The following FRMPD4 variants were observed in gnomAD, a reference collection of about 807,000 sequenced individuals.
FRMPD4 encodes the protein FERM and PDZ domain-containing protein 4.
Under a neutral mutation model 94.1 loss-of-function variants are expected in FRMPD4, and 22 were observed. That is an observed-to-expected ratio of 0.23 (90% CI 0.17 to 0.33). The LOEUF (loss-of-function observed/expected upper bound fraction) is 0.33, where lower values mean the gene tolerates loss of function less well. Ranked by LOEUF, FRMPD4 falls within the 10% of genes least tolerant of loss-of-function variation. The probability of loss-of-function intolerance (pLI) is 1.00; values close to 1 mark genes in which losing one functional copy is unlikely to be tolerated. For synonymous variants in FRMPD4, 631 were observed against 548.6 expected, an observed-to-expected ratio of 1.15 and a Z score of -2.10; for missense variants, 1,111 against 1,339.9, an observed-to-expected ratio of 0.83 and a Z score of 2.67.
intron 1 of FRMPD4, among the ~76,000 whole-genome samples, chrX:12,194,406 C>T (rs1336641045): frequency 2.0e-5 from 2 of 100,626 alleles, no homozygotes; most frequent in African/African-American, 7.1e-5. Context: ...ATATACACAT[C>T]ACTGTTTTGT....
At chrX:12,480,559 C>G (rs1317879255) in intron 1 of FRMPD4, among the ~76,000 whole-genome samples, 1 of 111,542 alleles carries the variant, frequency 9.0e-6, no homozygotes, top group Admixed American at 9.5e-5. Flanking sequence ...TAGACAAAGC[C>G]ACTTTCAGAG....
chrX:12,066,413 A>G (rs2054920473), intron 3 of FRMPD4, among the ~76,000 whole-genome samples: 1 of 112,132 alleles, frequency 8.9e-6, no homozygotes, highest in Non-Finnish European at 1.9e-5. Flanking sequence ...CTTCCCAAGA[A>G]TATGCCTTTT....
chrX:11,980,136 T>C (rs1359708342), intron 3 of FRMPD4, among the ~76,000 whole-genome samples: 1 of 111,876 alleles, frequency 8.9e-6, no homozygotes, highest in Non-Finnish European at 1.9e-5. Context: ...TTTATGGGAC[T>C]ATTTAAAATT....
intron 1 of FRMPD4, among the ~76,000 whole-genome samples, chrX:11,856,281 T>A (rs1200492857): frequency 9.0e-6 from 1 of 111,579 alleles, no homozygotes; most frequent in Non-Finnish European, 1.9e-5. Flanking sequence ...ACAAACTGTA[T>A]CAAACATTGA....
chrX:12,165,371 A>G (rs768928226), intron 1 of FRMPD4, among the ~76,000 whole-genome samples: 2 of 111,547 alleles, frequency 1.8e-5, no homozygotes, highest in African/African-American at 6.5e-5. Flanking sequence ...GACATGCGGC[A>G]TTATTTCTGA....
intron 1 of FRMPD4, among the ~76,000 whole-genome samples, chrX:12,436,678 A>G (rs1435469722): frequency 9.0e-6 from 1 of 111,319 alleles, no homozygotes; most frequent in Non-Finnish European, 1.9e-5. Flanking sequence ...ATTTACACAT[A>G]ATTTAGTTTT....
At chrX:12,133,881 A>G (rs777004450), upstream of FRMPD4, among the ~76,000 whole-genome samples, 3 of 111,878 alleles carry the variant, frequency 2.7e-5, no homozygotes, top group South Asian at 3.8e-4. Flanking sequence ...AAATCCTCAC[A>G]TGGCTTCCCG....
At chrX:12,211,200 T>C (rs985795157) in intron 1 of FRMPD4, among the ~76,000 whole-genome samples, 2 of 111,101 alleles carry the variant, frequency 1.8e-5, no homozygotes, top group Admixed American at 1.9e-4. Context: ...AGCCTCTCAA[T>C]ACCTGAATTT....
chrX:12,698,629 A>AAT (rs199935959), intron 9 of FRMPD4, among the ~76,000 whole-genome samples: 2,928 of 109,348 alleles, frequency 0.027, 108 homozygotes, highest in African/African-American at 0.092. Context: ...ATATATTTGG[A>AAT]ATATATATAT....
rs187515479 is a variant in FRMPD4, at chrX:11,914,410, G to A, written c.95+36392G>A. On this transcript the variant is annotated intron_variant, in intron 3 of 18. Transcript: ENST00000640291. ...TGCCAGGCAAGTAAACTAAAAAGGA[G>A]TACTGAGCAGCAAGAAGGGACCATG... Among the ~76,000 whole-genome samples the A allele has an allele frequency of 3.7e-3, 396 of 108,402 alleles. 3 individuals are homozygous for A. The highest frequency in any genetic ancestry group is 0.013 in the African/African-American group (382 of 29,643). 94.1% of individuals were successfully genotyped at this position (108,402 alleles called of 115,157 possible).
intron 7 of FRMPD4, among the ~76,000 whole-genome samples, chrX:12,689,747 T>C (rs1231132452): frequency 8.9e-6 from 1 of 112,934 alleles, no homozygotes; most frequent in Non-Finnish European, 1.9e-5. Flanking sequence ...TAAAACTTTA[T>C]TTACAAAAGC....
chrX:11,983,876 A>G (rs1369280344), intron 3 of FRMPD4, among the ~76,000 whole-genome samples: 1 of 112,554 alleles, frequency 8.9e-6, no homozygotes. Context: ...ACTAAAAAAA[A>G]GTTCAAGACA....
chrX:12,291,150 C>T (rs2054681792), intron 1 of FRMPD4, among the ~76,000 whole-genome samples: 1 of 112,167 alleles, frequency 8.9e-6, no homozygotes, highest in Non-Finnish European at 1.9e-5. Context: ...CTGCCTCTCT[C>T]CTGAATGGTT....
At chrX:12,713,088 G>GAAA (rs775657133) in intron 14 of FRMPD4, among the ~76,000 whole-genome samples, 59 of 97,734 alleles carry the variant, frequency 6.0e-4, no homozygotes, top group African/African-American at 2.2e-3. Flanking sequence ...GTGTCTAAAA[G>GAAA]AAAAAAAAAA....
chrX:12,506,893 A>G (rs6530529), intron 2 of FRMPD4, among the ~76,000 whole-genome samples: 14,350 of 111,814 alleles, frequency 0.13, 993 homozygotes, highest in African/African-American at 0.27. Context: ...GAACTGAAAG[A>G]AAAAGAACAG....
chrX:12,250,767 C>T (rs2054027842), intron 1 of FRMPD4, among the ~76,000 whole-genome samples: 1 of 111,558 alleles, frequency 9.0e-6, no homozygotes, highest in Non-Finnish European at 1.9e-5. Flanking sequence ...CCAGGAAGTG[C>T]ATGCTGTCTC....
chrX:12,231,047 T>TATATATAA (rs1434454075), intron 1 of FRMPD4, among the ~76,000 whole-genome samples: 1 of 31,734 alleles, frequency 3.2e-5, no homozygotes, highest in Non-Finnish European at 6.1e-5. Context: ...TATATATATA[T>TATATATAA]AAAATATATA....
At chrX:12,561,302 T>A (rs1039695719) in intron 2 of FRMPD4, among the ~76,000 whole-genome samples, 1 of 112,583 alleles carries the variant, frequency 8.9e-6, no homozygotes, top group Admixed American at 9.4e-5. Context: ...GAATCCCATG[T>A]TCACCTTGGA....
chrX:12,214,979 T>G (rs1435440909), intron 1 of FRMPD4, among the ~76,000 whole-genome samples: 1 of 111,860 alleles, frequency 8.9e-6, no homozygotes, highest in Non-Finnish European at 1.9e-5. Flanking sequence ...GGTAAATATT[T>G]TCCCTTCTGA....
Sources: allele counts gnomAD v4.1 joint callset (sites outside exome capture counted in the v4.1 genomes callset), GRCh38; gene constraint gnomAD v4.1.1; transcripts MANE v1.5; gene names NCBI Gene and HGNC (gene_info 2026-07-23, HGNC 2026-07-21).